Variants in UPRT observed in about 807,000 individuals in gnomAD.
UPRT encodes RP11-311P8.3.
Under a neutral mutation model 22.6 loss-of-function variants are expected in UPRT, and 5 were observed. The observed-to-expected ratio is 0.22, with a 90% CI of 0.12 to 0.47. The LOEUF is 0.47. Among genes scored for constraint, UPRT ranks in the 20% least tolerant of loss-of-function variants. The pLI, the probability that UPRT is intolerant of heterozygous loss-of-function variation, is 0.99. For missense variants in UPRT, 181 were observed against 239.9 expected (o/e 0.75, Z 1.62); for synonymous variants, 77 against 87.7 (o/e 0.88, Z 0.68).
At chrX:75,252,537 A>G (rs756873500) in intron 4 of UPRT, among the ~76,000 whole-genome samples, 1 of 112,356 alleles carries the variant, frequency 8.9e-6, no homozygotes, top group South Asian at 3.7e-4. Flanking sequence ...AAAAGTCAAG[A>G]AAGAACAGGT....
Position 75,304,698 on chromosome X carries a change from G to A in UPRT, c.*1187G>A, listed in dbSNP as rs766727938. The A allele has an allele frequency of 8.9e-6, 1 of 111,955 alleles. No individual in the cohort carries two copies. The highest frequency in any genetic ancestry group is 2.8e-4 in the East Asian group (1 of 3,555). 9.2% of individuals were successfully genotyped at this position (111,955 alleles called of 1,213,427 possible). A position where few individuals can be genotyped will look rare whatever the true frequency, so the allele number is the denominator to read the frequency against. On this transcript the variant is annotated 3_prime_UTR_variant, in exon 7 of 7. Coordinates refer to ENST00000373383, the MANE Select transcript of UPRT (RefSeq NM_145052.4). ...AGCACAGAAAAGAGCAGAAGGAAAT[G>A]TCTTAGAAAGAATCAAAGCTGATGA...
At chrX:75,239,339 C>G (rs766692620) in intron 4 of UPRT, among the ~76,000 whole-genome samples, 5 of 110,794 alleles carry the variant, frequency 4.5e-5, no homozygotes, top group Non-Finnish European at 9.5e-5. Context: ...ACTTTATGTG[C>G]GAAAATTAGA....
intron 4 of UPRT, among the ~76,000 whole-genome samples, chrX:75,259,174 G>A (rs748318536): frequency 1.4e-4 from 16 of 111,028 alleles, no homozygotes; most frequent in Non-Finnish European, 2.5e-4. Flanking sequence ...AGAAACCAGT[G>A]CAAAAAGCCT....
rs1313123318 is a variant in UPRT, at chrX:75,217,829, G to C, written c.-447+49950G>C. 2.7e-5 allele frequency among the ~76,000 whole-genome samples: 3 copies of C among 112,217 alleles called. No individual in the cohort carries two copies. In the East Asian group the frequency reaches 8.4e-4, roughly 31 times the overall value. ...TAAATGGTGCTGGGAAAACTGGCTA[G>C]CCAGATGTAGAAAGCTGAAACTGGA... On this transcript the variant is annotated intron_variant, in intron 4 of 13. Coordinates refer to the UPRT transcript ENST00000652605.
intron 4 of UPRT, among the ~76,000 whole-genome samples, chrX:75,241,308 G>T (rs932555938): frequency 2.7e-5 from 3 of 111,220 alleles, no homozygotes; most frequent in African/African-American, 9.8e-5. Context: ...CAAATGTCTA[G>T]CAAACAGGAA....
intron 4 of UPRT, among the ~76,000 whole-genome samples, chrX:75,177,264 G>A (rs906835586): frequency 7.4e-5 from 8 of 108,496 alleles, no homozygotes; most frequent in South Asian, 4.1e-4. Flanking sequence ...CCAAGAACCC[G>A]CAATGGTCCC....
intron 4 of UPRT, among the ~76,000 whole-genome samples, chrX:75,229,878 A>C (rs1190489014): frequency 8.9e-6 from 1 of 111,981 alleles, no homozygotes; most frequent in Non-Finnish European, 1.9e-5. Context: ...AACTTTCCTG[A>C]GAAGAATCCA....
At chrX:75,159,581 C>G (rs1342039539) in intron 1 of UPRT, among the ~76,000 whole-genome samples, 1 of 111,217 alleles carries the variant, frequency 9.0e-6, no homozygotes, top group Non-Finnish European at 1.9e-5. Flanking sequence ...TCAGGTTGTT[C>G]ATATGCACAT....
chrX:75,185,826 T>C (rs1458641745), intron 4 of UPRT, among the ~76,000 whole-genome samples: 1 of 111,708 alleles, frequency 9.0e-6, no homozygotes, highest in Non-Finnish European at 1.9e-5. Flanking sequence ...TTTGTAATAT[T>C]CTCTGATGGT....
chrX:75,187,292 G>T (rs2082296398), intron 4 of UPRT, among the ~76,000 whole-genome samples: 1 of 110,919 alleles, frequency 9.0e-6, no homozygotes, highest in African/African-American at 3.3e-5. Context: ...AGCTTAGTTT[G>T]GCTGGATATG....
At chrX:75,259,486 G>A (rs774521725) in intron 4 of UPRT, among the ~76,000 whole-genome samples, 41 of 107,399 alleles carry the variant, frequency 3.8e-4, no homozygotes, top group African/African-American at 1.1e-3. Flanking sequence ...CAGCTGAATC[G>A]ACCAAGCAGA....
intron 4 of UPRT, among the ~76,000 whole-genome samples, chrX:75,218,643 G>A (rs2082400729): frequency 1.0e-5 from 1 of 96,088 alleles, no homozygotes; most frequent in African/African-American, 3.9e-5. Flanking sequence ...CAACCCAAAT[G>A]TCCAACAATG....
At chrX:75,234,003 G>C (rs1020308360) in intron 4 of UPRT, among the ~76,000 whole-genome samples, 3 of 111,393 alleles carry the variant, frequency 2.7e-5, no homozygotes, top group African/African-American at 9.8e-5. Context: ...ATTGGATAAA[G>C]AGGCAAGACC....
chrX:75,287,654 A>G (rs1247187180), intron 1 of UPRT, among the ~76,000 whole-genome samples: 1 of 111,607 alleles, frequency 9.0e-6, no homozygotes, highest in Non-Finnish European at 1.9e-5. Flanking sequence ...GACACAACAT[A>G]CCAAAATCTC....
rs756836592 is a variant in UPRT at position 75,296,243 on chromosome X, AGT to A, written c.430-94_430-93del. On this transcript the variant is annotated intron_variant, in intron 2 of 6. Coordinates refer to ENST00000373383, the MANE Select transcript of UPRT (RefSeq NM_145052.4). ...GCCTCCACAAGTGAAACCTTTGCCTAGTGTGTTCATGACTCTGCCTACTGTTC... is the reference window on the plus strand; with the variant it reads ...GCCTCCACAAGTGAAACCTTTGCCTAGTGTTCATGACTCTGCCTACTGTTC... The A allele has an allele frequency of 1.5e-5, 12 of 799,492 alleles. No homozygotes were observed. The South Asian group carries it at 3.2e-4, about 21-fold the overall frequency. The allele number at this position is 799,492 out of a possible 1,213,427, so 65.9% of individuals were successfully genotyped here.
At chrX:75,176,350 G>A (rs1364599423) in intron 4 of UPRT, among the ~76,000 whole-genome samples, 1 of 110,911 alleles carries the variant, frequency 9.0e-6, no homozygotes, top group African/African-American at 3.3e-5. Context: ...CAAACTCTCG[G>A]GCTGCAGCTA....
intron 4 of UPRT, among the ~76,000 whole-genome samples, chrX:75,189,095 T>G (rs955014132): frequency 1.8e-5 from 2 of 112,640 alleles, no homozygotes; most frequent in Non-Finnish European, 3.7e-5. Flanking sequence ...TTTAGATCTT[T>G]CCTGCTTTCT....
chrX:75,195,052 GA>G (rs776299754), intron 4 of UPRT, among the ~76,000 whole-genome samples: 1 of 111,023 alleles, frequency 9.0e-6, no homozygotes, highest in East Asian at 2.9e-4. Flanking sequence ...GAAGGAGGGG[GA>G]AAGTTTCACC....
intron 4 of UPRT, among the ~76,000 whole-genome samples, chrX:75,250,715 G>A (rs1485006275): frequency 3.6e-5 from 4 of 111,259 alleles, no homozygotes; most frequent in Non-Finnish European, 7.5e-5. Context: ...ATTTTATGAG[G>A]CCAGCATCAT....
Sources: gnomAD v4.1 joint callset for allele counts (sites outside exome capture counted in the v4.1 genomes callset) on GRCh38, gnomAD v4.1.1 for gene constraint, MANE v1.5 for transcripts, NCBI Gene and HGNC (gene_info 2026-07-23, HGNC 2026-07-21) for gene names.